Variants in PALM observed in about 807,000 individuals in gnomAD.
PALM encodes paralemmin, also known as paralemmin-1.
Under a neutral mutation model 30.7 loss-of-function variants are expected in PALM, and 18 were observed. The ratio of observed to expected loss-of-function variants is 0.59; its 90% confidence interval spans 0.41 to 0.87. The LOEUF (loss-of-function observed/expected upper bound fraction) is 0.87. Among genes scored for constraint, PALM ranks in the 40% least tolerant of loss-of-function variants. The pLI, the probability that PALM is intolerant of heterozygous loss-of-function variation, is 0.00. For missense variants in PALM, 529 were observed against 555.4 expected (o/e 0.95, Z 0.48); for synonymous variants, 286 against 242.8 (o/e 1.18, Z -1.66).
rs1244448134 is a variant in PALM, at chr19:719,314, CG to C, written c.6-6820del. 52 of 985,422 alleles carry C rather than the reference CG, an allele frequency of 5.3e-5. No individual in the cohort carries two copies. In the African/African-American group the frequency reaches 8.4e-4, roughly 16 times the overall value. 61.0% of individuals were successfully genotyped at this position (985,422 alleles called of 1,614,324 possible). ...ACGCCCCGCACCGCGGAGGCCTCTG[CG>C]GGGCTCCCGTCGGGTTTGGGCCTCA... On this transcript the variant is annotated intron_variant, in intron 1 of 8. Transcript: ENST00000338448.
chr19:744,603 C>G (rs1463011312), intron 8 of PALM, among the ~76,000 whole-genome samples: 1 of 151,694 alleles, frequency 6.6e-6, no homozygotes, highest in East Asian at 2.0e-4. Context: ...AAATCAGAAT[C>G]CCTGTAATGG....
chr19:739,404 G>T (rs1224740392), intron 7 of PALM, among the ~76,000 whole-genome samples: 1 of 152,160 alleles, frequency 6.6e-6, no homozygotes, highest in Non-Finnish European at 1.5e-5. Flanking sequence ...GAATGGTGGG[G>T]CTCGAGGGCT....
At chr19:723,642 A>T (rs1420970826) in intron 1 of PALM, among the ~76,000 whole-genome samples, 1 of 62,128 alleles carries the variant, frequency 1.6e-5, no homozygotes, top group Non-Finnish European at 3.5e-5. Flanking sequence ...CCCTGGCTGG[A>T]GTGCAGCGCG....
chr19:727,727 G>C (rs2032734919), intron 4 of PALM, 33 bp downstream of exon 4: 2 of 1,518,580 alleles, frequency 1.3e-6, no homozygotes, highest in African/African-American at 2.7e-5. Context: ...CACCGGGCTG[G>C]GTGGGGCCTC....
chr19:743,967 GT>G (rs1366656769), intron 8 of PALM, among the ~76,000 whole-genome samples: 1 of 152,192 alleles, frequency 6.6e-6, no homozygotes, highest in Admixed American at 6.5e-5. Flanking sequence ...TGCCAAGGAG[GT>G]TTTAGGACTG....
intron 1 of PALM, among the ~76,000 whole-genome samples, chr19:717,911 C>A (rs2032319313): frequency 1.3e-5 from 2 of 152,096 alleles, no homozygotes; most frequent in Non-Finnish European, 2.9e-5. Flanking sequence ...AGTGGGAAGA[C>A]AAGATCACGC....
chr19:731,505 CAG>C (rs1312683635), intron 5 of PALM, among the ~76,000 whole-genome samples: 1 of 139,142 alleles, frequency 7.2e-6, no homozygotes, highest in Non-Finnish European at 1.6e-5. Context: ...CAGAAGGACT[CAG>C]GGAAGCAGGA....
At chr19:736,135 T>A in intron 7 of PALM, 57 bp downstream of exon 7, 1 of 995,608 alleles carries the variant, frequency 1.0e-6, no homozygotes, top group Non-Finnish European at 1.5e-6. Context: ...GGACCAAGTC[T>A]CGGTCCGGGG....
rs78669202 is a variant in PALM, at chr19:733,708, G to C, written c.421-465G>C. On this transcript the variant is annotated intron_variant, in intron 5 of 8. Transcript: ENST00000338448. ...GGAGGGAGGGAAGAAATGAGATGGA[G>C]CGGACGTGGTGGCTCAGCCTGTAAT... 0.02 allele frequency among the ~76,000 whole-genome samples: 3,079 copies of C among 152,220 alleles called. 239 individuals are homozygous for C. The East Asian group carries it at 0.28, about 14-fold the overall frequency.
In PALM at chr19:736,023, G is replaced by A. The variant is rs780156873; in HGVS notation, c.447G>A (p.Lys149=). 1 of 1,609,792 alleles carries A rather than the reference G, an allele frequency of 6.2e-7. No individual in the cohort carries two copies. Among genetic ancestry groups the A allele is most frequent in the Non-Finnish European group, 8.5e-7 (1 of 1,177,848 alleles). ...QQTPVGTPKD[K]RVSNTPLRTV... ...CCGCTTCCACCTCCCGTGCAGACAA[G>A]CGAGTCTCCAACACGCCCCTGAGGA... The change falls in exon 7 of 9, where the codon AAG becomes AAA. Residue 149 remains lysine (K), a synonymous_variant. Coordinates refer to ENST00000338448, the MANE Select transcript of PALM (RefSeq NM_002579.3).
At chr19:721,056 C>T (rs1264650370) in intron 1 of PALM, among the ~76,000 whole-genome samples, 2 of 152,172 alleles carry the variant, frequency 1.3e-5, no homozygotes, top group African/African-American at 2.4e-5. Context: ...CCTCCCTGGA[C>T]GTGGCTTCCA....
intron 8 of PALM, 106 bp downstream of exon 8, chr19:740,589 T>C: frequency 2.8e-6 from 3 of 1,087,104 alleles, no homozygotes; most frequent in Non-Finnish European, 3.9e-6. Flanking sequence ...AGGACCCCGA[T>C]TCGATGTGAA....
At chr19:730,728 G>A (rs567156583) in intron 4 of PALM, among the ~76,000 whole-genome samples, 19 of 152,266 alleles carry the variant, frequency 1.2e-4, no homozygotes, top group Non-Finnish European at 1.9e-4. Context: ...GGCCGAGTGC[G>A]GTGGGTCACG....
chr19:728,346 G>T (rs1000387874), intron 4 of PALM, among the ~76,000 whole-genome samples: 2 of 152,198 alleles, frequency 1.3e-5, no homozygotes, highest in African/African-American at 2.4e-5. Context: ...GCCAGGGAAG[G>T]TGCCCAGAGG....
chr19:732,392 C>T (rs185467443), intron 5 of PALM, among the ~76,000 whole-genome samples: 6 of 152,240 alleles, frequency 3.9e-5, no homozygotes, highest in Admixed American at 1.3e-4. Context: ...CTAAGCCAGA[C>T]GATGTTAAAA....
chr19:720,048 G>A (rs1000532808), intron 1 of PALM, among the ~76,000 whole-genome samples: 9 of 151,976 alleles, frequency 5.9e-5, no homozygotes, highest in African/African-American at 2.2e-4. Flanking sequence ...GGCGCCCCCC[G>A]GACGCCCAGA....
intron 2 of PALM, 33 bp from the exon 3 acceptor site, chr19:726,974 GC>G: frequency 1.6e-6 from 2 of 1,253,714 alleles, no homozygotes; most frequent in Non-Finnish European, 2.3e-6. Flanking sequence ...GGACCCCCAC[GC>G]CCATCCCTGA....
Position 742,650 on chromosome 19 carries a change from C to G in PALM, c.634+2167C>G, listed in dbSNP as rs188555646. 7.6e-4 allele frequency among the ~76,000 whole-genome samples: 116 copies of G among 152,138 alleles called. No individual in the cohort carries two copies. The highest frequency in any genetic ancestry group is 2.7e-3 in the African/African-American group (113 of 41,550). ...AAAAGAGAATAAATGGGGTCACACA[C>G]TGCACGTGGCCTTCTGTGTCTGGCG... is the stretch of plus-strand genomic sequence containing the variant. On this transcript the variant is annotated intron_variant, in intron 8 of 8. Coordinates refer to ENST00000338448, the MANE Select transcript of PALM (RefSeq NM_002579.3). The surrounding 1 kb of genome is among the most constrained non-coding windows in gnomAD (Gnocchi z 5.5).
intron 8 of PALM, among the ~76,000 whole-genome samples, chr19:744,900 G>A (rs2033294642): frequency 7.4e-6 from 1 of 134,892 alleles, no homozygotes; most frequent in Non-Finnish European, 1.6e-5. Context: ...AAAAAAAGCA[G>A]CAGGCACGGT....
Sources: gnomAD v4.1 joint callset for allele counts (sites outside exome capture counted in the v4.1 genomes callset) on GRCh38, gnomAD v4.1.1 for gene constraint, Gnocchi (gnomAD v3.1) non-coding constraint, MANE v1.5 for transcripts, NCBI Gene and HGNC (gene_info 2026-07-23, HGNC 2026-07-21) for gene names.